The following OTOF variants were observed in gnomAD, a reference collection of about 807,000 sequenced individuals.
OTOF encodes the protein otoferlin.
In OTOF, 218 loss-of-function variants were observed where a neutral mutation model predicts 236.8. That is an observed-to-expected ratio of 0.92 (90% confidence interval 0.82 to 1.03). The LOEUF is 1.03. Ranked by LOEUF, OTOF falls within the 50% of genes least tolerant of loss-of-function variation. OTOF has a pLI of 0.00. For synonymous variants in OTOF, 1,041 were observed against 1,072.5 expected, an observed-to-expected ratio of 0.97 and a Z score of 0.57; for missense variants, 2,590 against 2,694.4, an observed-to-expected ratio of 0.96 and a Z score of 0.86.
chr2:26,509,881 G>A (rs1243021104), intron 5 of OTOF, among the ~76,000 whole-genome samples: 4 of 152,124 alleles, frequency 2.6e-5, no homozygotes, highest in African/African-American at 9.7e-5. Context: ...TCTGGTTCCA[G>A]CTCTGCCCCT....
chr2:26,474,376 C>T (rs1665152239), intron 26 of OTOF, 137 bp downstream of exon 26: 1 of 720,590 alleles, frequency 1.4e-6, no homozygotes, highest in Admixed American at 2.7e-5. Flanking sequence ...AGCCCCAGGC[C>T]CCAGCCTCCA....
At chr2:26,511,917 C>T (rs1465179323) in intron 5 of OTOF, among the ~76,000 whole-genome samples, 2 of 152,132 alleles carry the variant, frequency 1.3e-5, no homozygotes, top group Non-Finnish European at 2.9e-5. Context: ...ATGTACTGGC[C>T]CCACATGCAC....
intron 4 of OTOF, among the ~76,000 whole-genome samples, chr2:26,517,084 C>A (rs1666551119): frequency 6.6e-6 from 1 of 152,154 alleles, no homozygotes; most frequent in Non-Finnish European, 1.5e-5. Context: ...GAGCCCAGGG[C>A]CCAGGCTCAC....
At chr2:26,469,244 A>T (rs1664871182) in intron 32 of OTOF, among the ~76,000 whole-genome samples, 2 of 152,154 alleles carry the variant, frequency 1.3e-5, no homozygotes, top group African/African-American at 2.4e-5. Context: ...AATAAATCTT[A>T]CTAGAAACTA....
rs752574922 is a variant in OTOF at position 26,471,169 on chromosome 2, G to A, written c.3865-19C>T. On this transcript the variant is annotated intron_variant, in intron 30 of 46. Coordinates refer to ENST00000272371, the MANE Select transcript of OTOF (RefSeq NM_194248.3). ...CAGAAGTCTGCAGAGGAACCAAGGA[G>A]ACAGGGGCAGAATCAGCCACTGGGG... 4.2e-5 allele frequency: 67 copies of A among 1,613,928 alleles called. No individual in the cohort carries two copies. The highest frequency in any genetic ancestry group is 5.3e-5 in the Non-Finnish European group (62 of 1,179,962).
intron 10 of OTOF, 34 bp downstream of exon 10, chr2:26,489,644 T>C: frequency 6.4e-7 from 1 of 1,574,756 alleles, no homozygotes; most frequent in Non-Finnish European, 8.7e-7. Flanking sequence ...TTTGAGGGAG[T>C]GGCCCTGCCG....
At chr2:26,545,284 A>G (rs2148130256) in intron 1 of OTOF, among the ~76,000 whole-genome samples, 1 of 152,276 alleles carries the variant, frequency 6.6e-6, no homozygotes, top group East Asian at 1.9e-4. Flanking sequence ...TCACATGTTT[A>G]TTGGCCATAC....
Position 26,484,514 on chromosome 2 carries a change from G to A in OTOF, c.1165C>T (p.Pro389Ser), listed in dbSNP as rs1457083688. Residue 389 changes from proline (P) to serine (S), a missense_variant, in exon 12 of 47, where the codon CCC becomes TCC. Pro to Ser is a moderately conservative substitution (Grantham distance 74). This residue lies in a region of OTOF where 1,379 missense variants were observed against 1,341.6 expected (regional missense o/e 1.03). Transcript: ENST00000272371. ...VVGKGDNIKT[P>S]HKANETDEDD... ...TCGTCGGTCTCATTGGCCTTGTGGG[G>A]CGTCTTGATGTTGTCCCCTTTGCCC... 1.2e-6 allele frequency: 2 copies of A among 1,614,038 alleles called. No homozygotes were observed. The highest frequency in any genetic ancestry group is 2.2e-5 in the South Asian group (2 of 91,080).
Position 26,460,580 on chromosome 2 carries a change from G to C in OTOF, c.5813+67C>G. On this transcript the variant is annotated intron_variant, in intron 45 of 46. Coordinates refer to ENST00000272371, the MANE Select transcript of OTOF (RefSeq NM_194248.3). This position sits in a 1 kb window ranked among gnomAD's most constrained non-coding sequence, Gnocchi z 5.3. The stretch of plus-strand genomic sequence containing the variant: ...GGAAGAGATGGGGTGTCTGGGGATC[G>C]TCTCCTTCCTGTTCCAGCGCCTCCA... 1 of 1,256,348 alleles carries C rather than the reference G, an allele frequency of 8.0e-7. No homozygotes were observed. The highest frequency in any genetic ancestry group is 1.5e-5 in the African/African-American group (1 of 67,930). 77.8% of individuals were successfully genotyped at this position (1,256,348 alleles called of 1,614,324 possible).
intron 1 of OTOF, among the ~76,000 whole-genome samples, chr2:26,544,342 G>A (rs995512213): frequency 6.6e-6 from 1 of 152,076 alleles, no homozygotes; most frequent in Non-Finnish European, 1.5e-5. Flanking sequence ...CTTTCCAGTC[G>A]ATTTCTAGTC....
intron 8 of OTOF, among the ~76,000 whole-genome samples, chr2:26,501,291 GA>G (rs773893606): frequency 6.6e-6 from 1 of 152,084 alleles, no homozygotes; most frequent in African/African-American, 2.4e-5. Context: ...GCAAAAAGAA[GA>G]AAAAAATCAC....
At chr2:26,524,044 C>T (rs1666742916) in intron 3 of OTOF, among the ~76,000 whole-genome samples, 1 of 152,272 alleles carries the variant, frequency 6.6e-6, no homozygotes, top group Non-Finnish European at 1.5e-5. Flanking sequence ...CAGCAGTGCC[C>T]TGGGCATTCT....
chr2:26,522,445 G>C (rs1666699766), intron 3 of OTOF, among the ~76,000 whole-genome samples: 1 of 152,182 alleles, frequency 6.6e-6, no homozygotes, highest in African/African-American at 2.4e-5. Context: ...AAGAAGCTGG[G>C]ACAGGAAGAG....
At position 26,473,388 on chromosome 2, in the gene OTOF, G is replaced by A. The variant is rs770114809; in HGVS notation, c.3570+18C>T. 2.5e-6 allele frequency: 4 copies of A among 1,613,286 alleles called. No individual in the cohort carries two copies. Among genetic ancestry groups the A allele is most frequent in the East Asian group, 2.2e-5 (1 of 44,872 alleles). On this transcript the variant is annotated intron_variant, in intron 28 of 46. Transcript: ENST00000272371. The surrounding 1 kb of genome is among the most constrained non-coding windows in gnomAD (Gnocchi z 7.2). ...CCACACTGGCCACAGGATGTCCTCC[G>A]CCAGGGCCTGCACTCACCACTTCAA...
chr2:26,529,987 A>C (rs2148115076), intron 2 of OTOF, among the ~76,000 whole-genome samples: 1 of 123,644 alleles, frequency 8.1e-6, no homozygotes, highest in East Asian at 2.0e-4. Context: ...TTTCTTAATG[A>C]AGCTGCTTTT....
chr2:26,483,681 C>T (rs199996925), intron 12 of OTOF, 33 bp from the exon 13 acceptor site: 52 of 1,597,168 alleles, frequency 3.3e-5, no homozygotes. Context: ...CCATGGTCAC[C>T]AGGTCCAGGT....
At chr2:26,535,914 G>A (rs1343115287) in intron 2 of OTOF, among the ~76,000 whole-genome samples, 1 of 152,182 alleles carries the variant, frequency 6.6e-6, no homozygotes, top group Non-Finnish European at 1.5e-5. Context: ...AAGGCGCTGG[G>A]CATGGAAAAG....
intron 1 of OTOF, among the ~76,000 whole-genome samples, chr2:26,545,882 T>C (rs1298370933): frequency 6.6e-6 from 1 of 152,208 alleles, no homozygotes; most frequent in Non-Finnish European, 1.5e-5. Context: ...CTTAGACCAA[T>C]GCCACACTTT....
rs574859932 is a variant in OTOF at position 26,522,544 on chromosome 2, A to G, written c.228-3435T>C. 7.9e-5 allele frequency among the ~76,000 whole-genome samples: 12 copies of G among 152,348 alleles called. No individual in the cohort carries two copies. The East Asian group carries it at 2.1e-3, about 27-fold the overall frequency. ...TGGCCTTTGTGCATCCTGGCTGCACACATAGTAGGTTCTTACTCCTCTGCA... is the reference window on the plus strand; with the variant it reads ...TGGCCTTTGTGCATCCTGGCTGCACGCATAGTAGGTTCTTACTCCTCTGCA... On this transcript the variant is annotated intron_variant, in intron 3 of 46. Transcript: ENST00000272371.
Sources: gnomAD v4.1 joint callset for allele counts (sites outside exome capture counted in the v4.1 genomes callset) on GRCh38, gnomAD v4.1.1 for gene constraint, gnomAD v4.1.1 regional missense constraint, Gnocchi (gnomAD v3.1) non-coding constraint, MANE v1.5 for transcripts, NCBI Gene and HGNC (gene_info 2026-07-23, HGNC 2026-07-21) for gene names.